CTC1: variants seen among roughly 807,000 people sequenced by gnomAD.
CTC1 encodes the protein CST telomere replication complex component 1.
In CTC1, 91 loss-of-function variants were observed where a neutral mutation model predicts 136.3. That is an observed-to-expected ratio of 0.67 (90% CI 0.56 to 0.79). The LOEUF (loss-of-function observed/expected upper bound fraction) is 0.79. Ranked by LOEUF, CTC1 falls within the 30% of genes least tolerant of loss-of-function variation. CTC1 has a pLI of 0.00. For synonymous variants in CTC1, 606 were observed against 613.8 expected, an observed-to-expected ratio of 0.99 and a Z score of 0.19; for missense variants, 1,432 against 1,498.1, an observed-to-expected ratio of 0.96 and a Z score of 0.73.
At position 8,231,764 on chromosome 17, in the gene CTC1, G is replaced by A. The variant is rs776324067; in HGVS notation, c.2437C>T (p.Pro813Ser). ...GCTATGAGTCGGTACACCTGTCCCG[G>A]GTGCAAGAACTCAAACCAGCGGACT... ...SSVRWFEFLH[P>S]GQVYRLIAPG... The change falls in exon 14 of 23, where the codon CCG (proline) becomes TCG (serine). Residue 813 changes from proline to serine, a missense_variant. By Grantham distance (74) the Pro-to-Ser change is moderately conservative. Coordinates refer to ENST00000651323, the MANE Select transcript of CTC1 (RefSeq NM_025099.6). 4 of 1,614,142 alleles carry A rather than the reference G, an allele frequency of 2.5e-6. No individual in the cohort carries two copies. Among genetic ancestry groups the A allele is most frequent in the Middle Eastern group, 1.6e-4 (1 of 6,062 alleles).
At chr17:8,237,240 A>G in intron 5 of CTC1, 135 bp downstream of exon 5, 1 of 929,004 alleles carries the variant, frequency 1.1e-6, no homozygotes, top group East Asian at 2.5e-5. Context: ...TCTTCTCCCA[A>G]CAGCGCTATT....
rs550532658 is a variant in CTC1 at position 8,246,646 on chromosome 17, G to A, written c.33+1358C>T. Among the ~76,000 whole-genome samples the A allele has an allele frequency of 2.9e-3, 441 of 152,178 alleles. 4 individuals are homozygous for A. Among genetic ancestry groups the A allele is most frequent in the African/African-American group, 0.01 (417 of 41,504 alleles). On this transcript the variant is annotated intron_variant, in intron 1 of 22. Coordinates refer to ENST00000651323, the MANE Select transcript of CTC1 (RefSeq NM_025099.6). ...TCACGCCTGTAATCCCAGCAGTTTC[G>A]GAGGCCAAGGCGGGCAGATCACGAC... is the stretch of plus-strand genomic sequence containing the variant.
In CTC1 at chr17:8,228,454, T is replaced by C. The variant is rs780105987; in HGVS notation, c.3514+49A>G. The C allele has an allele frequency of 2.5e-6, 4 of 1,612,914 alleles. No homozygotes were observed. In the African/African-American group the frequency reaches 5.3e-5, roughly 22 times the overall value. ...TTCCTCCCAGGGACCCATCTATCTC[T>C]ATCACCATGATCCCCCTATCATCAT... On this transcript the variant is annotated intron_variant, in intron 22 of 22. Coordinates refer to ENST00000651323, the MANE Select transcript of CTC1 (RefSeq NM_025099.6).
intron 1 of CTC1, 137 bp downstream of exon 1, chr17:8,247,867 A>C (rs1988895189): frequency 1.3e-6 from 1 of 799,372 alleles, no homozygotes; most frequent in Non-Finnish European, 2.1e-6. Context: ...GTAGGAGCGG[A>C]CCGACTCACA....
At chr17:8,240,170 T>TG (rs1988090428) in intron 2 of CTC1, among the ~76,000 whole-genome samples, 1 of 151,630 alleles carries the variant, frequency 6.6e-6, no homozygotes, top group Non-Finnish European at 1.5e-5. Context: ...TTTTTTTTTT[T>TG]TTGAGACAGA....
Position 8,232,165 on chromosome 17 carries a change from T to C in CTC1, c.2123A>G (p.His708Arg). 1 of 1,524,554 alleles carries C rather than the reference T, an allele frequency of 6.6e-7. No homozygotes were observed. 94.4% of individuals were successfully genotyped at this position (1,524,554 alleles called of 1,614,324 possible). Residue 708 changes from histidine to arginine, a missense_variant, in exon 13 of 23, where the codon CAT (histidine) becomes CGT (arginine). His to Arg is a conservative substitution (Grantham distance 29, BLOSUM62 0). Transcript: ENST00000651323. The part of the protein sequence containing the change: ...LILPVPRPCL[H>R]SATPSTPQTD... ...CTGAGGTGTTGAGGGTGTTGCTGAA[T>C]GAAGGCAGGGTCTGGGCACAGGCAG...
chr17:8,239,089 C>CAAA (rs778191636), intron 2 of CTC1, among the ~76,000 whole-genome samples: 5 of 48,752 alleles, frequency 1.0e-4, no homozygotes, highest in African/African-American at 2.7e-4. Flanking sequence ...GAGACTGTCT[C>CAAA]AAAAAAAAAA....
intron 5 of CTC1, 64 bp from the exon 6 acceptor site, chr17:8,236,406 CCTT>C: frequency 9.2e-6 from 14 of 1,522,394 alleles, no homozygotes; most frequent in Non-Finnish European, 1.1e-5. Flanking sequence ...CTGCCAGAGT[CCTT>C]TTCCCTCACG....
rs1217818264 is a variant in CTC1 at position 8,234,654 on chromosome 17, T to G, written c.1619A>C (p.Tyr540Ser). Residue 540 changes from tyrosine to serine, a missense_variant and splice_region_variant, in exon 10 of 23, where the codon TAC (tyrosine) becomes TCC (serine). Transcript: ENST00000651323. ...EEPHHCPLQK[Y>S]TRLQTPSSFP... ...GGAGGAGGGAGTCTGCAGCCGAGTG[T>G]ACTGTCAAGGAGGGAAGAGAAATCG... The G allele has an allele frequency of 2.5e-6, 4 of 1,609,660 alleles. No individual in the cohort carries two copies. In the South Asian group the frequency reaches 4.4e-5, roughly 18 times the overall value.
At chr17:8,230,194 T>C (rs1249906308) in intron 17 of CTC1, 100 bp downstream of exon 17, 8 of 1,253,970 alleles carry the variant, frequency 6.4e-6, no homozygotes. Context: ...GAAACCTGTA[T>C]GAAAGAGAAG....
At chr17:8,242,533 GAAAAAAAA>G (rs58895309) in intron 2 of CTC1, among the ~76,000 whole-genome samples, 1 of 83,854 alleles carries the variant, frequency 1.2e-5, no homozygotes, top group African/African-American at 5.1e-5. Flanking sequence ...AGTGTAGAGA[GAAAAAAAA>G]AAAAAAAAAA....
chr17:8,228,434 C>G (rs1408967123), intron 22 of CTC1, 69 bp downstream of exon 22: 30 of 1,611,768 alleles, frequency 1.9e-5, no homozygotes, highest in Non-Finnish European at 2.5e-5. Flanking sequence ...CCCTCTTCCT[C>G]CCAGGGACCC....
chr17:8,242,557 T>TATATATATATATATATATACAC (rs1988356208), intron 2 of CTC1, among the ~76,000 whole-genome samples: 2 of 74,502 alleles, frequency 2.7e-5, no homozygotes, highest in African/African-American at 9.0e-5. Context: ...AAAAAAAATA[T>TATATATATATATATATATACAC]ATATATATAT....
At chr17:8,229,267 C>T (rs1332054501) in intron 19 of CTC1, 35 bp downstream of exon 19, 2 of 1,613,974 alleles carry the variant, frequency 1.2e-6, no homozygotes, top group Non-Finnish European at 1.7e-6. Context: ...TCTGGCACTC[C>T]ATACTCAGTT....
At chr17:8,230,929 G>T in intron 15 of CTC1, 1 of 503,710 alleles carries the variant, frequency 2.0e-6, no homozygotes, top group Non-Finnish European at 3.6e-6. Flanking sequence ...TTAAGGTCAA[G>T]AACTCAAGAC....
chr17:8,241,953 A>G (rs1263301044), intron 2 of CTC1, among the ~76,000 whole-genome samples: 3 of 151,830 alleles, frequency 2.0e-5, no homozygotes, highest in African/African-American at 7.3e-5. Flanking sequence ...TATATTGCTT[A>G]AGGATAGATG....
In CTC1 at chr17:8,232,972, T is replaced by C. The variant is rs1018490008; in HGVS notation, c.1879A>G (p.Ser627Gly). 7 of 1,613,986 alleles carry C rather than the reference T, an allele frequency of 4.3e-6. No homozygotes were observed. In the Admixed American group the frequency reaches 8.3e-5, roughly 19 times the overall value. Residue 627 changes from serine (S) to glycine (G), a missense_variant, in exon 11 of 23, where the codon AGT (serine) becomes GGT (glycine). Physicochemically the swap from Ser to Gly is moderately conservative, Grantham distance 56. Transcript: ENST00000651323. ...AGGAGCAGGCAGGGCAGGGAACCAC[T>C]TTGGTCCCGAAGTTGCAGACAACCT... ...HKGCLQLRDQ[S>G]GSLPCLLLAK... is the part of the protein sequence containing the mutation.
intron 20 of CTC1, 98 bp from the exon 21 acceptor site, chr17:8,228,990 G>A: frequency 1.3e-6 from 2 of 1,495,838 alleles, no homozygotes; most frequent in Non-Finnish European, 9.1e-7. Flanking sequence ...GCAGTCTTTG[G>A]CTCACAGATT....
chr17:8,236,586 T>C (rs559878250), intron 5 of CTC1, among the ~76,000 whole-genome samples: 2 of 152,200 alleles, frequency 1.3e-5, no homozygotes, highest in African/African-American at 4.8e-5. Context: ...TCAAAATACA[T>C]AAATATTCCA....
Sources: allele counts gnomAD v4.1 joint callset (sites outside exome capture counted in the v4.1 genomes callset), GRCh38; gene constraint gnomAD v4.1.1; transcripts MANE v1.5; gene names NCBI Gene and HGNC (gene_info 2026-07-23, HGNC 2026-07-21).